Variants in FRMD5 observed in about 807,000 individuals in gnomAD.
The protein encoded by FRMD5 is FERM domain containing 5.
Under a neutral mutation model 69.0 loss-of-function variants are expected in FRMD5, and 20 were observed. That is an observed-to-expected ratio of 0.29 (90% confidence interval 0.20 to 0.42). The LOEUF is 0.42. FRMD5 is among the 10% of genes least tolerant of loss of function. The pLI, the probability that FRMD5 is intolerant of heterozygous loss-of-function variation, is 1.00. For synonymous variants in FRMD5, 271 were observed against 260.1 expected (o/e 1.04, Z -0.40); for missense variants, 595 against 708.6 (o/e 0.84, Z 1.82).
At chr15:43,927,365 C>T (rs2089602548) in intron 1 of FRMD5, among the ~76,000 whole-genome samples, 1 of 152,112 alleles carries the variant, frequency 6.6e-6, no homozygotes, top group African/African-American at 2.4e-5. Flanking sequence ...TTCCTCCTGT[C>T]TTTGGTCCCC....
chr15:43,975,136 T>C (rs8041328), intron 1 of FRMD5, among the ~76,000 whole-genome samples: 70 of 152,306 alleles, frequency 4.6e-4, no homozygotes, highest in African/African-American at 1.6e-3. Flanking sequence ...CCAAGGGACA[T>C]TGACAAGTGA....
chr15:44,092,402 T>G (rs1184123745), intron 1 of FRMD5, among the ~76,000 whole-genome samples: 1 of 152,210 alleles, frequency 6.6e-6, no homozygotes, highest in East Asian at 1.9e-4. Flanking sequence ...ACAGCTGTGA[T>G]TCACGAAGTC....
rs10719107 is a variant in FRMD5 at position 43,984,982 on chromosome 15, GAA to G, written c.103-60675_103-60674del. Among the ~76,000 whole-genome samples the G allele has an allele frequency of 3.3e-3, 466 of 141,522 alleles. 2 individuals are homozygous for G. The highest frequency in any genetic ancestry group is 5.3e-3 in the Non-Finnish European group (347 of 65,398). The allele number at this position is 141,522 out of a possible 152,430, so 92.8% of individuals were successfully genotyped here. ...CTGGGCGACAGAACAACTCTGTCTA[GAA>G]AAAAAAAAAAACAAGGCCGGGCACG... is the stretch of plus-strand genomic sequence containing the variant. On this transcript the variant is annotated intron_variant, in intron 1 of 13. Transcript: ENST00000417257.
intron 1 of FRMD5, among the ~76,000 whole-genome samples, chr15:44,062,562 G>A (rs1343452021): frequency 6.6e-6 from 1 of 151,812 alleles, no homozygotes; most frequent in African/African-American, 2.4e-5. Flanking sequence ...ATGGTGGTGG[G>A]TGCCTATAAT....
At chr15:44,008,342 C>A (rs900759579) in intron 1 of FRMD5, among the ~76,000 whole-genome samples, 14 of 152,094 alleles carry the variant, frequency 9.2e-5, no homozygotes, top group Non-Finnish European at 1.8e-4. Flanking sequence ...CAGCTCACTG[C>A]AATCTCTGCC....
chr15:44,187,541 T>G (rs963215813), intron 1 of FRMD5, among the ~76,000 whole-genome samples: 15 of 150,208 alleles, frequency 1.0e-4, no homozygotes, highest in Admixed American at 8.0e-4. Flanking sequence ...TCTTTACGCA[T>G]CCCCATGCCA....
intron 13 of FRMD5, chr15:43,879,356 A>G: frequency 5.0e-6 from 2 of 396,352 alleles, no homozygotes; most frequent in Non-Finnish European, 8.9e-6. Flanking sequence ...GGTTAGTCCT[A>G]TATTAGAAAC....
chr15:43,962,261 A>G (rs2090214809), intron 1 of FRMD5, among the ~76,000 whole-genome samples: 1 of 152,224 alleles, frequency 6.6e-6, no homozygotes, highest in Non-Finnish European at 1.5e-5. Flanking sequence ...AACACCAATA[A>G]CAGACAAACA....
intron 1 of FRMD5, among the ~76,000 whole-genome samples, chr15:44,074,869 TTTAGTGCCATCACCAGGCA>T (rs1893692767): frequency 6.6e-6 from 1 of 152,312 alleles, no homozygotes; most frequent in Non-Finnish European, 1.5e-5. Flanking sequence ...TGACGTCAGC[TTTAGTGCCATCACCAGGCA>T]TTTCTTAGGT....
At chr15:44,015,607 A>G (rs1890921494) in intron 1 of FRMD5, among the ~76,000 whole-genome samples, 2 of 152,186 alleles carry the variant, frequency 1.3e-5, no homozygotes, top group African/African-American at 4.8e-5. Flanking sequence ...TAATTTCAGA[A>G]AAGTCTGTGT....
intron 1 of FRMD5, among the ~76,000 whole-genome samples, chr15:44,164,742 T>C (rs552752852): frequency 6.6e-6 from 1 of 152,330 alleles, no homozygotes; most frequent in East Asian, 1.9e-4. Context: ...CAGACACTCC[T>C]ACCTTGGTCT....
chr15:43,943,478 T>A (rs1370288330), intron 1 of FRMD5, among the ~76,000 whole-genome samples: 1 of 152,234 alleles, frequency 6.6e-6, no homozygotes, highest in Non-Finnish European at 1.5e-5. Flanking sequence ...CTGGGTAGAA[T>A]AGTGTCCCCC....
intron 1 of FRMD5, among the ~76,000 whole-genome samples, chr15:44,027,012 A>C (rs1052249176): frequency 6.6e-6 from 1 of 152,236 alleles, no homozygotes; most frequent in African/African-American, 2.4e-5. Context: ...TAGCAAGAAG[A>C]ATCTGTGGTG....
At chr15:43,878,804 G>A (rs911591679) in intron 13 of FRMD5, among the ~76,000 whole-genome samples, 1 of 152,116 alleles carries the variant, frequency 6.6e-6, no homozygotes. Flanking sequence ...GGAAGGAGAG[G>A]CAGATGCTGT....
chr15:43,961,961 A>G (rs1472920614), intron 1 of FRMD5, among the ~76,000 whole-genome samples: 2 of 152,242 alleles, frequency 1.3e-5, no homozygotes, highest in African/African-American at 4.8e-5. Flanking sequence ...CTGAATGGAC[A>G]AAAACTGGAA....
At chr15:43,906,867 C>T (rs571962393) in intron 5 of FRMD5, among the ~76,000 whole-genome samples, 1 of 152,120 alleles carries the variant, frequency 6.6e-6, no homozygotes, top group Non-Finnish European at 1.5e-5. Flanking sequence ...TCCCAAAGTG[C>T]TGGGATTACA....
intron 1 of FRMD5, among the ~76,000 whole-genome samples, chr15:44,037,557 T>C (rs1891975726): frequency 6.7e-6 from 1 of 149,976 alleles, no homozygotes; most frequent in East Asian, 2.0e-4. Context: ...AACCTCTGCC[T>C]CCCAGGTTCG....
At chr15:44,104,555 C>T (rs575426114) in intron 1 of FRMD5, among the ~76,000 whole-genome samples, 13 of 152,198 alleles carry the variant, frequency 8.5e-5, no homozygotes, top group African/African-American at 2.4e-4. Flanking sequence ...ATGTTTCATA[C>T]GTTAAAGATG....
intron 1 of FRMD5, among the ~76,000 whole-genome samples, chr15:44,018,628 CT>C (rs1314334247): frequency 1.3e-5 from 2 of 152,196 alleles, no homozygotes; most frequent in Non-Finnish European, 2.9e-5. Context: ...GAATTCTAGT[CT>C]GACTCAAGGA....
Sources: gnomAD v4.1 joint callset for allele counts (sites outside exome capture counted in the v4.1 genomes callset) on GRCh38, gnomAD v4.1.1 for gene constraint, MANE v1.5 for transcripts, NCBI Gene and HGNC (gene_info 2026-07-23, HGNC 2026-07-21) for gene names.